B3GALT1: variants seen among roughly 807,000 people sequenced by gnomAD.
B3GALT1 encodes the protein UDP-Gal:betaGlcNAc beta 1,3-galactosyltransferase, polypeptide 1.
B3GALT1 carries 10 observed loss-of-function variants against 23.2 expected under a neutral mutation model. The ratio of observed to expected loss-of-function variants is 0.43; its 90% CI spans 0.27 to 0.73. The LOEUF (loss-of-function observed/expected upper bound fraction) is 0.73, where lower values mean the gene tolerates loss of function less well. B3GALT1 is among the 30% of genes least tolerant of loss of function. The pLI, the probability that B3GALT1 is intolerant of heterozygous loss-of-function variation, is 0.21. For missense variants in B3GALT1, 299 were observed against 405.4 expected, an observed-to-expected ratio of 0.74 and a Z score of 2.25; for synonymous variants, 156 against 141.5, an observed-to-expected ratio of 1.10 and a Z score of -0.73.
At chr2:167,601,044 C>A (rs1684867855) in intron 2 of B3GALT1, among the ~76,000 whole-genome samples, 1 of 151,244 alleles carries the variant, frequency 6.6e-6, no homozygotes, top group African/African-American at 2.5e-5. Flanking sequence ...TAAAGAACAA[C>A]TAGATCCTCC....
intron 1 of B3GALT1, among the ~76,000 whole-genome samples, chr2:167,330,122 T>G (rs1696950529): frequency 6.6e-6 from 1 of 151,712 alleles, no homozygotes. Context: ...AACCCTTTCA[T>G]TCCTTCTTCA....
intron 1 of B3GALT1, among the ~76,000 whole-genome samples, chr2:167,489,584 G>T (rs761840717): frequency 1.4e-4 from 22 of 152,160 alleles, no homozygotes; most frequent in Admixed American, 7.2e-4. Flanking sequence ...TTGTTGGAAG[G>T]CTATCTTATA....
intron 4 of B3GALT1, among the ~76,000 whole-genome samples, chr2:167,865,740 C>T (rs1690201647): frequency 2.0e-5 from 3 of 151,988 alleles, no homozygotes; most frequent in East Asian, 1.9e-4. Flanking sequence ...TGCAGTGAGC[C>T]GAGATTGCAC....
At chr2:167,623,514 A>G (rs529531728) in intron 2 of B3GALT1, among the ~76,000 whole-genome samples, 2 of 152,208 alleles carry the variant, frequency 1.3e-5, no homozygotes, top group East Asian at 1.9e-4. Context: ...AGAAAACCAA[A>G]CACCGCATAT....
chr2:167,526,290 A>T (rs1383188570), intron 2 of B3GALT1, among the ~76,000 whole-genome samples: 1 of 152,138 alleles, frequency 6.6e-6, no homozygotes, highest in African/African-American at 2.4e-5. Flanking sequence ...TCCAACCCTT[A>T]TCCAGTAGTA....
intron 3 of B3GALT1, among the ~76,000 whole-genome samples, chr2:167,699,093 A>G (rs978271488): frequency 6.6e-6 from 1 of 152,236 alleles, no homozygotes; most frequent in Non-Finnish European, 1.5e-5. Context: ...AGGAGCCAAA[A>G]GGGAATTTCT....
At chr2:167,342,192 A>C (rs1178138816) in intron 1 of B3GALT1, among the ~76,000 whole-genome samples, 1 of 152,220 alleles carries the variant, frequency 6.6e-6, no homozygotes, top group Non-Finnish European at 1.5e-5. Context: ...GAGTAACATG[A>C]AGAAAATATT....
At chr2:167,605,372 G>T (rs1238012031) in intron 2 of B3GALT1, among the ~76,000 whole-genome samples, 1 of 152,166 alleles carries the variant, frequency 6.6e-6, no homozygotes, top group Non-Finnish European at 1.5e-5. Flanking sequence ...CTTCTGCATG[G>T]TGTTGGCTAA....
chr2:167,372,374 C>T (rs1916748), intron 1 of B3GALT1, among the ~76,000 whole-genome samples: 120,427 of 151,918 alleles, frequency 0.79, 50,055 homozygotes, highest in East Asian at 0.92. Flanking sequence ...TAAAAGAAAT[C>T]TGTGAAAGAC....
intron 3 of B3GALT1, among the ~76,000 whole-genome samples, chr2:167,786,347 T>G (rs1229948460): frequency 6.6e-6 from 1 of 152,214 alleles, no homozygotes; most frequent in African/African-American, 2.4e-5. Context: ...AAGTGGTAAT[T>G]AAACTATATA....
At chr2:167,649,492 T>C (rs947607824) in intron 3 of B3GALT1, among the ~76,000 whole-genome samples, 2 of 152,088 alleles carry the variant, frequency 1.3e-5, no homozygotes, top group African/African-American at 4.8e-5. Context: ...TGACAAACAC[T>C]AATCTGATTT....
At chr2:167,588,843 TTCTTTCC>T (rs1684622709) in intron 2 of B3GALT1, among the ~76,000 whole-genome samples, 2 of 131,024 alleles carry the variant, frequency 1.5e-5, no homozygotes, top group African/African-American at 7.0e-5. Flanking sequence ...CCTTCCTTCC[TTCTTTCC>T]TTCCTTCCTT....
intron 1 of B3GALT1, among the ~76,000 whole-genome samples, chr2:167,448,364 T>C (rs561799267): frequency 1.3e-5 from 2 of 152,316 alleles, no homozygotes; most frequent in South Asian, 4.1e-4. Flanking sequence ...TGAATTTCCC[T>C]GTTCCATAGC....
intron 2 of B3GALT1, among the ~76,000 whole-genome samples, chr2:167,530,334 G>C (rs2105367372): frequency 6.6e-6 from 1 of 152,006 alleles, no homozygotes; most frequent in African/African-American, 2.4e-5. Context: ...TTTTTTGTCT[G>C]TTTCACCCAC....
At chr2:167,394,536 G>T (rs1012351702) in intron 1 of B3GALT1, among the ~76,000 whole-genome samples, 1 of 151,198 alleles carries the variant, frequency 6.6e-6, no homozygotes, top group Admixed American at 6.6e-5. Flanking sequence ...ATAAAGGGTT[G>T]TTTTTTTTTA....
At chr2:167,314,712 C>T (rs1179056207) in intron 1 of B3GALT1, among the ~76,000 whole-genome samples, 5 of 152,062 alleles carry the variant, frequency 3.3e-5, no homozygotes, top group Non-Finnish European at 5.9e-5. Context: ...AGGCTGTTAA[C>T]TTGGATGCAG....
chr2:167,843,312 G>C (rs1280860464), intron 4 of B3GALT1, among the ~76,000 whole-genome samples: 1 of 152,186 alleles, frequency 6.6e-6, no homozygotes, highest in Admixed American at 6.5e-5. Context: ...AGGAAATCAA[G>C]ATAACATACC....
chr2:167,637,217 T>G (rs1685571634), intron 2 of B3GALT1, among the ~76,000 whole-genome samples: 1 of 151,948 alleles, frequency 6.6e-6, no homozygotes, highest in Non-Finnish European at 1.5e-5. Flanking sequence ...TATGTGGTGC[T>G]TAAGTGAAAT....
chr2:167,460,045 C>T (rs559741360), intron 1 of B3GALT1, among the ~76,000 whole-genome samples: 1 of 152,250 alleles, frequency 6.6e-6, no homozygotes, highest in Non-Finnish European at 1.5e-5. Context: ...TCATGATTCT[C>T]ACTTTGGAAT....
Sources: allele counts gnomAD v4.1 joint callset (sites outside exome capture counted in the v4.1 genomes callset), GRCh38; gene constraint gnomAD v4.1.1; transcripts MANE v1.5; gene names NCBI Gene and HGNC (gene_info 2026-07-23, HGNC 2026-07-21).